Variants in IQCM observed in about 807,000 individuals in gnomAD.
IQCM encodes IQ domain-containing protein M.
In IQCM, 45 loss-of-function variants were observed where a neutral mutation model predicts 57.6. The ratio of observed to expected loss-of-function variants is 0.78; its 90% confidence interval spans 0.62 to 1.00. The LOEUF is 1.00. IQCM is among the 50% of genes least tolerant of loss of function. IQCM has a pLI of 0.00. For synonymous variants in IQCM, 148 were observed against 158.9 expected, an observed-to-expected ratio of 0.93 and a Z score of 0.51; for missense variants, 468 against 511.6, an observed-to-expected ratio of 0.91 and a Z score of 0.82.
intron 13 of IQCM, among the ~76,000 whole-genome samples, chr4:149,413,559 T>C (rs1282549920): frequency 6.6e-6 from 1 of 152,140 alleles, no homozygotes; most frequent in Non-Finnish European, 1.5e-5. Context: ...CTGCATGCTC[T>C]ATATCAAGAC....
chr4:149,431,795 T>C (rs879844640), intron 13 of IQCM, among the ~76,000 whole-genome samples: 2 of 152,006 alleles, frequency 1.3e-5, no homozygotes, highest in African/African-American at 2.4e-5. Flanking sequence ...TTCATCCATG[T>C]TGTGTACATC....
chr4:149,550,744 T>A (rs1333402902), intron 11 of IQCM, among the ~76,000 whole-genome samples: 1 of 152,146 alleles, frequency 6.6e-6, no homozygotes, highest in East Asian at 1.9e-4. Context: ...CAATTAGCCA[T>A]CAACACACGG....
rs549914693 is a variant in IQCM at position 149,637,271 on chromosome 4, T to C, written c.566-16027A>G. Among the ~76,000 whole-genome samples, 5 of 151,010 alleles carry C rather than the reference T, an allele frequency of 3.3e-5. No individual in the cohort carries two copies. The East Asian group carries it at 9.8e-4, about 30-fold the overall frequency. ...CTGAAACAATTAGAAAAATGTAAAA[T>C]CAACATTAATTATAATAGTTTCAAG... is the stretch of plus-strand genomic sequence containing the variant. On this transcript the variant is annotated intron_variant, in intron 7 of 13. Coordinates refer to ENST00000636793, the MANE Select transcript of IQCM (RefSeq NM_001363507.2).
chr4:149,737,992 T>C (rs562134204), intron 3 of IQCM, among the ~76,000 whole-genome samples: 1 of 152,334 alleles, frequency 6.6e-6, no homozygotes, highest in South Asian at 2.1e-4. Flanking sequence ...AATTTATTAA[T>C]ATATTAAGTC....
intron 2 of IQCM, among the ~76,000 whole-genome samples, chr4:149,761,912 A>T (rs1769555983): frequency 6.6e-6 from 1 of 152,102 alleles, no homozygotes; most frequent in African/African-American, 2.4e-5. Context: ...AGCAGTAAAA[A>T]CTTTTTAACT....
rs1383661920 is a variant in IQCM, at chr4:149,448,170, A to T, written c.1229-14613T>A. Among the ~76,000 whole-genome samples, 3 of 151,792 alleles carry T rather than the reference A, an allele frequency of 2.0e-5. No individual in the cohort carries two copies. The South Asian group carries it at 6.2e-4, about 31-fold the overall frequency. ...TTTCAAAAGATTCAAGTTATATTCAATATGCTCTATGACTAAATTGGAGTT... is the reference window on the plus strand; with the variant it reads ...TTTCAAAAGATTCAAGTTATATTCATTATGCTCTATGACTAAATTGGAGTT... On this transcript the variant is annotated intron_variant, in intron 12 of 13. Coordinates refer to ENST00000636793, the MANE Select transcript of IQCM (RefSeq NM_001363507.2).
intron 7 of IQCM, among the ~76,000 whole-genome samples, chr4:149,629,779 C>A (rs2150090226): frequency 6.6e-6 from 1 of 152,074 alleles, no homozygotes; most frequent in Non-Finnish European, 1.5e-5. Flanking sequence ...ATGGAGAAAG[C>A]AAAATGAATT....
Position 149,437,325 on chromosome 4 carries a change from G to T in IQCM, c.1229-3768C>A, listed in dbSNP as rs543720052. On this transcript the variant is annotated intron_variant, in intron 12 of 13. Coordinates refer to ENST00000636793, the MANE Select transcript of IQCM (RefSeq NM_001363507.2). ...AGCAGCATATAGCTCTTTCCTGGAG[G>T]TTTACTGATGTTAGTCTTCTCCACA... 7.2e-5 allele frequency among the ~76,000 whole-genome samples: 11 copies of T among 152,176 alleles called. No individual in the cohort carries two copies. The East Asian group carries it at 2.1e-3, about 29-fold the overall frequency.
intron 13 of IQCM, among the ~76,000 whole-genome samples, chr4:149,396,588 G>T (rs1578916109): frequency 6.6e-6 from 1 of 151,880 alleles, no homozygotes; most frequent in African/African-American, 2.4e-5. Context: ...TTTAACATGA[G>T]GTTTACCCTC....
intron 8 of IQCM, among the ~76,000 whole-genome samples, chr4:149,593,282 CT>C (rs1212114785): frequency 3.3e-5 from 5 of 152,082 alleles, no homozygotes; most frequent in Non-Finnish European, 1.5e-5. Context: ...TATAGGAATG[CT>C]TGTGATTTTT....
At chr4:149,678,460 A>C (rs963033871) in intron 7 of IQCM, among the ~76,000 whole-genome samples, 1 of 151,852 alleles carries the variant, frequency 6.6e-6, no homozygotes, top group African/African-American at 2.4e-5. Context: ...AAAAACTGAT[A>C]AATTCTTTCC....
intron 5 of IQCM, among the ~76,000 whole-genome samples, chr4:149,723,589 T>A (rs1220364369): frequency 6.6e-6 from 1 of 152,098 alleles, no homozygotes; most frequent in African/African-American, 2.4e-5. Context: ...TGAATCACAC[T>A]TATTGACTTG....
intron 7 of IQCM, among the ~76,000 whole-genome samples, chr4:149,630,616 T>A (rs1203406240): frequency 1.3e-5 from 2 of 152,200 alleles, no homozygotes; most frequent in African/African-American, 4.8e-5. Flanking sequence ...GATATATGAA[T>A]CATATGTACC....
chr4:149,686,328 A>G (rs1170312915), intron 6 of IQCM, 50 bp downstream of exon 6: 5 of 899,832 alleles, frequency 5.6e-6, no homozygotes, highest in Non-Finnish European at 7.3e-6. Context: ...GAATATTGGC[A>G]AAGTAGAAGA....
chr4:149,570,071 A>T (rs1503700), intron 9 of IQCM, among the ~76,000 whole-genome samples: 111,350 of 151,766 alleles, frequency 0.73, 41,247 homozygotes, highest in African/African-American at 0.81. Flanking sequence ...TCATATATAT[A>T]ATAAGTTAAT....
chr4:149,789,017 T>C (rs1017088965), intron 2 of IQCM, among the ~76,000 whole-genome samples: 1 of 152,092 alleles, frequency 6.6e-6, no homozygotes, highest in African/African-American at 2.4e-5. Flanking sequence ...GTAGAGGAGA[T>C]GAAGAGAGGC....
intron 13 of IQCM, among the ~76,000 whole-genome samples, chr4:149,361,748 A>G (rs990176358): frequency 2.6e-5 from 4 of 152,190 alleles, no homozygotes; most frequent in African/African-American, 9.6e-5. Context: ...TGGGGCCCTC[A>G]CGGAGAACCT....
intron 13 of IQCM, among the ~76,000 whole-genome samples, chr4:149,391,208 TG>T (rs1731831188): frequency 6.6e-6 from 1 of 151,918 alleles, no homozygotes; most frequent in African/African-American, 2.4e-5. Context: ...TACATATTGT[TG>T]GGGGGTCAGT....
intron 13 of IQCM, among the ~76,000 whole-genome samples, chr4:149,358,540 A>T (rs1369411587): frequency 2.0e-5 from 3 of 152,088 alleles, no homozygotes; most frequent in African/African-American, 7.2e-5. Context: ...TTCAGTTTCC[A>T]TGTAGTTGAG....
Sources: gnomAD v4.1 joint callset for allele counts (sites outside exome capture counted in the v4.1 genomes callset) on GRCh38, gnomAD v4.1.1 for gene constraint, MANE v1.5 for transcripts, NCBI Gene and HGNC (gene_info 2026-07-23, HGNC 2026-07-21) for gene names.